The following WDR7 variants were observed in gnomAD, a reference collection of about 807,000 sequenced individuals.
The protein encoded by WDR7 is WD repeat-containing protein 7.
In WDR7, 46 loss-of-function variants were observed where a neutral mutation model predicts 169.4. The ratio of observed to expected loss-of-function variants is 0.27; its 90% CI spans 0.21 to 0.35. WDR7 has a LOEUF of 0.35. Ranked by LOEUF, WDR7 falls within the 10% of genes least tolerant of loss-of-function variation. WDR7 has a pLI of 1.00. For synonymous variants in WDR7, 612 were observed against 666.8 expected (o/e 0.92, Z 1.27); for missense variants, 1,534 against 1,859.3 (o/e 0.83, Z 3.22).
chr18:56,791,392 G>C (rs1353727703), intron 19 of WDR7, among the ~76,000 whole-genome samples: 1 of 152,130 alleles, frequency 6.6e-6, no homozygotes, highest in African/African-American at 2.4e-5. Context: ...ATACAAAGAT[G>C]TAAATTATCT....
intron 21 of WDR7, among the ~76,000 whole-genome samples, chr18:56,904,563 AG>A (rs1204949630): frequency 6.6e-6 from 1 of 152,132 alleles, no homozygotes; most frequent in Non-Finnish European, 1.5e-5. Context: ...TGACATTATT[AG>A]GTTTTTACAA....
chr18:56,671,831 G>A (rs151085419), intron 1 of WDR7, among the ~76,000 whole-genome samples: 104 of 152,298 alleles, frequency 6.8e-4, no homozygotes, highest in African/African-American at 2.2e-3. Context: ...GATTAATGGA[G>A]TTTATATATG....
chr18:56,935,623 A>C (rs2046948983), intron 22 of WDR7, among the ~76,000 whole-genome samples, 165 bp from the exon 23 acceptor site: 1 of 152,222 alleles, frequency 6.6e-6, no homozygotes. Flanking sequence ...TGATGCCAGA[A>C]CACCCTGACT....
chr18:56,779,733 A>T (rs1300470337), intron 18 of WDR7, among the ~76,000 whole-genome samples, 184 bp downstream of exon 18: 4 of 152,228 alleles, frequency 2.6e-5, no homozygotes, highest in African/African-American at 9.6e-5. Context: ...GTAATGCTCC[A>T]GCTGGTTTAT....
intron 13 of WDR7, among the ~76,000 whole-genome samples, chr18:56,728,588 G>C (rs1357492541): frequency 3.9e-5 from 6 of 152,132 alleles, no homozygotes; most frequent in African/African-American, 1.4e-4. Context: ...CCTGTGCAAA[G>C]CTGCCTACCT....
chr18:56,944,866 TAAAG>T (rs1172864417), intron 25 of WDR7, among the ~76,000 whole-genome samples: 14 of 152,306 alleles, frequency 9.2e-5, no homozygotes, highest in Non-Finnish European at 1.8e-4. Context: ...ACAAGCAAAT[TAAAG>T]AAGACACTAT....
At chr18:56,752,450 T>C (rs2043810122) in intron 14 of WDR7, among the ~76,000 whole-genome samples, 1 of 152,160 alleles carries the variant, frequency 6.6e-6, no homozygotes, top group Non-Finnish European at 1.5e-5. Context: ...CATCTCTCTT[T>C]ATGGCACCAT....
At chr18:57,022,241 G>A (rs1657399) in intron 27 of WDR7, among the ~76,000 whole-genome samples, 2,904 of 152,196 alleles carry the variant, frequency 0.019, 109 homozygotes, top group African/African-American at 0.067. Context: ...GGTCCCCCCC[G>A]CCGCCACTCG....
At chr18:56,944,308 T>G (rs751549756) in intron 25 of WDR7, among the ~76,000 whole-genome samples, 2 of 152,180 alleles carry the variant, frequency 1.3e-5, no homozygotes, top group Admixed American at 1.3e-4. Flanking sequence ...GTAGTTCTCA[T>G]GTGCACCTGG....
chr18:56,824,379 G>T (rs559646834), intron 20 of WDR7, among the ~76,000 whole-genome samples: 1 of 152,244 alleles, frequency 6.6e-6, no homozygotes, highest in East Asian at 1.9e-4. Context: ...CATTTCACTT[G>T]CACTTTCTGA....
chr18:56,972,399 A>G (rs1164044431), intron 26 of WDR7, among the ~76,000 whole-genome samples: 4 of 152,238 alleles, frequency 2.6e-5, no homozygotes, highest in Non-Finnish European at 5.9e-5. Context: ...GCAGAAGTCT[A>G]TAACGCTTAT....
intron 16 of WDR7, among the ~76,000 whole-genome samples, chr18:56,771,255 A>G (rs1177590817): frequency 1.3e-5 from 2 of 152,184 alleles, no homozygotes; most frequent in Admixed American, 1.3e-4. Context: ...TCATGATCAT[A>G]GTACTTATAT....
chr18:56,997,352 T>A (rs1232701065), intron 26 of WDR7, among the ~76,000 whole-genome samples: 1 of 152,218 alleles, frequency 6.6e-6, no homozygotes, highest in African/African-American at 2.4e-5. Flanking sequence ...CAACGTTCAT[T>A]CTTGAATTTC....
At chr18:56,849,993 A>T (rs1468286074) in intron 20 of WDR7, among the ~76,000 whole-genome samples, 1 of 152,034 alleles carries the variant, frequency 6.6e-6, no homozygotes, top group Non-Finnish European at 1.5e-5. Context: ...ACACAGACAC[A>T]TTTGCCTTTT....
At chr18:56,835,520 A>G (rs906411531) in intron 20 of WDR7, among the ~76,000 whole-genome samples, 2 of 152,340 alleles carry the variant, frequency 1.3e-5, no homozygotes, top group Middle Eastern at 3.4e-3. Flanking sequence ...CAGGATTTTC[A>G]GAGGTCACCT....
chr18:56,774,275 A>C (rs896515228), intron 16 of WDR7, among the ~76,000 whole-genome samples: 3 of 152,130 alleles, frequency 2.0e-5, no homozygotes, highest in Non-Finnish European at 4.4e-5. Flanking sequence ...TGAGAAGCAG[A>C]ATCTAGGGAT....
chr18:56,967,188 G>A (rs751406164), intron 26 of WDR7, among the ~76,000 whole-genome samples: 5 of 151,524 alleles, frequency 3.3e-5, no homozygotes, highest in South Asian at 2.1e-4. Flanking sequence ...GGAGCGCTTG[G>A]GTGGAAAAGT....
intron 20 of WDR7, among the ~76,000 whole-genome samples, chr18:56,852,775 G>T (rs1190576730): frequency 6.6e-6 from 1 of 152,114 alleles, no homozygotes; most frequent in African/African-American, 2.4e-5. Context: ...GATTTAGATT[G>T]CTGAATATCT....
chr18:56,909,103 T>G (rs1332864115), intron 21 of WDR7, among the ~76,000 whole-genome samples: 1 of 152,180 alleles, frequency 6.6e-6, no homozygotes, highest in African/African-American at 2.4e-5. Context: ...CTGTCTCATT[T>G]TATCTCATTG....
Sources: gnomAD v4.1 joint callset for allele counts (sites outside exome capture counted in the v4.1 genomes callset) on GRCh38, gnomAD v4.1.1 for gene constraint, MANE v1.5 for transcripts, NCBI Gene and HGNC (gene_info 2026-07-23, HGNC 2026-07-21) for gene names.